DAB1: variants seen among roughly 807,000 people sequenced by gnomAD.
DAB1 encodes disabled homolog 1.
In DAB1, 15 loss-of-function variants were observed where a neutral mutation model predicts 64.6. The observed-to-expected ratio is 0.23, with a 90% CI of 0.16 to 0.36. The LOEUF is 0.36. Ranked by LOEUF, DAB1 falls within the 10% of genes least tolerant of loss-of-function variation. DAB1 has a pLI of 1.00. For synonymous variants in DAB1, 235 were observed against 251.9 expected, an observed-to-expected ratio of 0.93 and a Z score of 0.64; for missense variants, 596 against 706.7, an observed-to-expected ratio of 0.84 and a Z score of 1.78.
At chr1:57,116,606 C>G (rs1656156316) in intron 4 of DAB1, among the ~76,000 whole-genome samples, 1 of 151,972 alleles carries the variant, frequency 6.6e-6, no homozygotes, top group South Asian at 2.1e-4. Context: ...CAGAGGCCAG[C>G]AGAAGCAAAG....
At chr1:57,405,177 T>C (rs770589044) in intron 1 of DAB1, among the ~76,000 whole-genome samples, 9 of 152,194 alleles carry the variant, frequency 5.9e-5, no homozygotes, top group Non-Finnish European at 1.3e-4. Flanking sequence ...CTTAGACAGA[T>C]ACAAACTTCA....
At chr1:57,079,002 A>G (rs1450093515) in intron 4 of DAB1, among the ~76,000 whole-genome samples, 1 of 152,192 alleles carries the variant, frequency 6.6e-6, no homozygotes, top group Non-Finnish European at 1.5e-5. Flanking sequence ...CAGTACCGAA[A>G]AAATGATCTT....
chr1:57,390,728 G>GT (rs1682277772), intron 1 of DAB1, among the ~76,000 whole-genome samples: 2 of 152,116 alleles, frequency 1.3e-5, no homozygotes, highest in Admixed American at 6.5e-5. Context: ...GTTCTGACCC[G>GT]TTTTCATTTC....
chr1:58,467,294 C>T (rs1569838776), intron 3 of DAB1, among the ~76,000 whole-genome samples: 2 of 152,354 alleles, frequency 1.3e-5, no homozygotes, highest in South Asian at 2.1e-4. Flanking sequence ...TGCCCCACTG[C>T]AGACCTATTG....
chr1:58,408,159 C>A (rs1184572908), intron 3 of DAB1, among the ~76,000 whole-genome samples: 2 of 152,194 alleles, frequency 1.3e-5, no homozygotes, highest in Non-Finnish European at 2.9e-5. Context: ...GTTTAACAGG[C>A]CATCCAGGCG....
intron 12 of DAB1, 99 bp from the exon 13 acceptor site, chr1:57,011,371 C>T (rs1051908048): frequency 3.0e-6 from 4 of 1,346,942 alleles, no homozygotes; most frequent in Admixed American, 4.4e-5. Context: ...GAAGTCAAAT[C>T]TTAGGATTCC....
chr1:57,915,642 T>A (rs1024418544), intron 5 of DAB1, among the ~76,000 whole-genome samples: 5 of 152,078 alleles, frequency 3.3e-5, no homozygotes, highest in Non-Finnish European at 7.4e-5. Context: ...GGCACCACAT[T>A]TAGAAAAAGC....
intron 3 of DAB1, among the ~76,000 whole-genome samples, chr1:58,478,771 G>A (rs1472873500): frequency 2.0e-5 from 3 of 152,160 alleles, no homozygotes; most frequent in Admixed American, 6.5e-5. Flanking sequence ...AAAAGATCGG[G>A]TTGAGTTTGT....
intron 6 of DAB1, among the ~76,000 whole-genome samples, chr1:57,712,520 C>CT (rs1271017788): frequency 6.6e-6 from 1 of 151,994 alleles, no homozygotes; most frequent in Non-Finnish European, 1.5e-5. Context: ...AAATTATTTG[C>CT]TTTTTTAATG....
At chr1:57,733,231 A>T (rs1647524558) in intron 6 of DAB1, among the ~76,000 whole-genome samples, 1 of 151,858 alleles carries the variant, frequency 6.6e-6, no homozygotes, top group African/African-American at 2.4e-5. Flanking sequence ...CCTGATAGCC[A>T]TTACTCTGCT....
chr1:57,505,527 G>A (rs1644333768), intron 7 of DAB1, among the ~76,000 whole-genome samples: 1 of 152,184 alleles, frequency 6.6e-6, no homozygotes, highest in Admixed American at 6.5e-5. Context: ...TGTCCTTATG[G>A]AAGATGGGAT....
chr1:57,857,853 CAAA>C (rs761614350), intron 1 of DAB1, among the ~76,000 whole-genome samples: 1 of 53,498 alleles, frequency 1.9e-5, no homozygotes. Flanking sequence ...AATGTTCATA[CAAA>C]AAAAAAAAAA....
intron 5 of DAB1, among the ~76,000 whole-genome samples, chr1:57,961,953 C>T (rs1454809965): frequency 6.8e-6 from 1 of 146,316 alleles, no homozygotes; most frequent in Non-Finnish European, 1.5e-5. Context: ...GCCTGGGCAA[C>T]AAGAGTGAAA....
intron 4 of DAB1, among the ~76,000 whole-genome samples, chr1:58,172,285 C>A (rs925633513): frequency 6.6e-6 from 1 of 152,206 alleles, no homozygotes; most frequent in Non-Finnish European, 1.5e-5. Context: ...ATCCCACAAC[C>A]AGTGGCATAC....
chr1:57,679,421 T>G (rs2101695398), intron 6 of DAB1, among the ~76,000 whole-genome samples: 1 of 152,300 alleles, frequency 6.6e-6, no homozygotes, highest in East Asian at 1.9e-4. Flanking sequence ...ACAGGGAATG[T>G]GGACAAGATT....
At chr1:58,206,304 T>C (rs974596458) in intron 4 of DAB1, among the ~76,000 whole-genome samples, 1 of 152,238 alleles carries the variant, frequency 6.6e-6, no homozygotes, top group African/African-American at 2.4e-5. Context: ...CAATCAGATA[T>C]GCATTTATCT....
At chr1:57,339,054 G>A (rs114447842) in intron 1 of DAB1, among the ~76,000 whole-genome samples, 2,134 of 152,046 alleles carry the variant, frequency 0.014, 35 homozygotes, top group African/African-American at 0.041. Flanking sequence ...CTGACATGCA[G>A]TTCCCACTCA....
At chr1:57,360,300 A>G (rs564242868) in intron 1 of DAB1, among the ~76,000 whole-genome samples, 10 of 152,290 alleles carry the variant, frequency 6.6e-5, no homozygotes, top group African/African-American at 2.4e-4. Context: ...GAAAAAACCC[A>G]GCCACTTGTC....
chr1:57,671,106 A>T (rs1646505484), intron 6 of DAB1, among the ~76,000 whole-genome samples: 1 of 152,148 alleles, frequency 6.6e-6, no homozygotes, highest in Non-Finnish European at 1.5e-5. Flanking sequence ...TTTCCCCTGA[A>T]TAGCTTCAAT....
Sources: gnomAD v4.1 joint callset for allele counts (sites outside exome capture counted in the v4.1 genomes callset) on GRCh38, gnomAD v4.1.1 for gene constraint, MANE v1.5 for transcripts, NCBI Gene and HGNC (gene_info 2026-07-23, HGNC 2026-07-21) for gene names.